Variants in GRHPR observed in about 807,000 individuals in gnomAD.
GRHPR encodes glyoxylate and hydroxypyruvate reductase.
Under a neutral mutation model 36.8 loss-of-function variants are expected in GRHPR, and 35 were observed. That is an observed-to-expected ratio of 0.95 (90% CI 0.73 to 1.26). GRHPR has a LOEUF of 1.26. Ranked by LOEUF, GRHPR falls within the 50% of genes most tolerant of loss-of-function variation. The pLI is 0.00. For missense variants in GRHPR, 380 were observed against 435.0 expected (o/e 0.87, Z 1.12); for synonymous variants, 179 against 181.0 (o/e 0.99, Z 0.09).
chr9:37,422,694 C>CT, upstream of GRHPR: 1 of 1,360,500 alleles, frequency 7.4e-7, no homozygotes, highest in Non-Finnish European at 1.0e-6. Flanking sequence ...CCCGGCCCAG[C>CT]TACATTCCCG....
chr9:37,425,959 C>T lies in GRHPR; in HGVS notation c.252C>T (p.Gly84=), dbSNP rs139595138. 1.9e-6 allele frequency: 3 copies of T among 1,613,556 alleles called. No individual in the cohort carries two copies. The highest frequency in any genetic ancestry group is 2.5e-6 in the Non-Finnish European group (3 of 1,179,550). The change falls in exon 3 of 9, where the codon GGC becomes GGT. Residue 84 remains glycine, a synonymous_variant. Transcript: ENST00000318158. ...AAGTCATCAGCACCATGTCTGTGGG[C>T]ATCGACCACTTGGCTTTGGATGAAA... ...NLKVISTMSV[G]IDHLALDEIK...
chr9:37,429,384 C>T (rs1156874831), intron 5 of GRHPR: 4 of 377,330 alleles, frequency 1.1e-5, no homozygotes, highest in Non-Finnish European at 2.0e-5. Flanking sequence ...AAGGAGGGGA[C>T]TGCTTGACCA....
At chr9:37,428,233 A>G (rs964552698) in intron 4 of GRHPR, 1 of 578,884 alleles carries the variant, frequency 1.7e-6, no homozygotes, top group Admixed American at 3.0e-5. Context: ...TTGTTTTCCC[A>G]TCTGCAAAAC....
At chr9:37,430,793 C>T (rs868164928) in intron 7 of GRHPR, 147 bp downstream of exon 7, 5 of 770,262 alleles carry the variant, frequency 6.5e-6, no homozygotes, top group Middle Eastern at 2.2e-4. Context: ...CTCAGAAATT[C>T]GTGGGAATAC....
At chr9:37,432,686 CA>C (rs1286337721) in intron 8 of GRHPR, 1 of 184,538 alleles carries the variant, frequency 5.4e-6, no homozygotes, top group African/African-American at 2.4e-5. Context: ...TCCAAAACAA[CA>C]ACAACAACAA....
At chr9:37,433,160 G>C (rs1823451675) in intron 8 of GRHPR, among the ~76,000 whole-genome samples, 1 of 152,048 alleles carries the variant, frequency 6.6e-6, no homozygotes, top group South Asian at 2.1e-4. Flanking sequence ...ACCGAAGTCT[G>C]AGTTGCAGCA....
intron 8 of GRHPR, 137 bp downstream of exon 8, chr9:37,432,275 G>A: frequency 1.3e-6 from 1 of 772,008 alleles, no homozygotes; most frequent in Non-Finnish European, 2.3e-6. Context: ...GATCGTAAAT[G>A]TTTATGTTGT....
downstream of GRHPR, among the ~76,000 whole-genome samples, chr9:37,437,241 T>C (rs1010791530): frequency 6.6e-6 from 1 of 152,142 alleles, no homozygotes; most frequent in African/African-American, 2.4e-5. Context: ...ACCTGGGCAA[T>C]GTAGCAAGAC....
At chr9:37,430,898 G>C (rs1050842691) in intron 7 of GRHPR, 1 of 606,738 alleles carries the variant, frequency 1.6e-6, no homozygotes, top group African/African-American at 1.8e-5. Context: ...CTGGCACACA[G>C]CAGCGTGGCT....
In GRHPR at chr9:37,425,974, T is replaced by C; in HGVS notation, c.267T>C (p.Ala89=). 5.0e-6 allele frequency: 8 copies of C among 1,613,208 alleles called. No homozygotes were observed. The highest frequency in any genetic ancestry group is 6.8e-6 in the Non-Finnish European group (8 of 1,179,136). The part of the protein sequence containing the change: ...STMSVGIDHL[A]LDEIKKRGIR... Reference sequence around the variant, plus strand: ...TGTCTGTGGGCATCGACCACTTGGCTTTGGATGAAATCAAGAAGCGGTAAC... The same window carrying C: ...TGTCTGTGGGCATCGACCACTTGGCCTTGGATGAAATCAAGAAGCGGTAAC... Residue 89 remains alanine (A), a synonymous_variant, in exon 3 of 9, where the codon GCT becomes GCC. Transcript: ENST00000318158.
In GRHPR at chr9:37,426,652, GAAGT is replaced by G. The variant is rs180177309; in HGVS notation, c.404+3_404+6del. On this transcript the variant is annotated splice_donor_variant and coding_sequence_variant, in exon 4 of 9. Transcript: ENST00000318158. LOFTEE classifies it high-confidence loss of function. ...TGCCGGAGGCCATCGAGGAAGTGAA[GAAGT>G]AAGTGAACGCAGACCAGGTGCGGTG... 19 of 1,582,228 alleles carry G rather than the reference GAAGT, an allele frequency of 1.2e-5. No individual in the cohort carries two copies. Among genetic ancestry groups the G allele is most frequent in the South Asian group, 8.8e-5 (8 of 90,438 alleles).
chr9:37,422,569 C>T (rs1286601243), upstream of GRHPR: 5 of 649,916 alleles, frequency 7.7e-6, no homozygotes, highest in East Asian at 2.8e-5. Flanking sequence ...TACTGTCACT[C>T]CCCGAGCACG....
chr9:37,431,016 G>A (rs1232162794), intron 7 of GRHPR: 13 of 480,876 alleles, frequency 2.7e-5, no homozygotes, highest in Non-Finnish European at 4.3e-5. Flanking sequence ...ACACTGCTGA[G>A]CCTGGCTTTG....
At position 37,422,721 on chromosome 9, in the gene GRHPR, G is replaced by T; in HGVS notation, c.-30G>T. 6.5e-7 allele frequency: 1 copy of T among 1,528,694 alleles called. No individual in the cohort carries two copies. Among genetic ancestry groups the T allele is most frequent in the South Asian group, 1.2e-5 (1 of 84,130 alleles). The allele number at this position is 1,528,694 out of a possible 1,614,324, so 94.7% of individuals were successfully genotyped here. A position where few individuals can be genotyped will look rare whatever the true frequency, so the allele number is the denominator to read the frequency against. On this transcript the variant is annotated 5_prime_UTR_variant, in exon 1 of 9. Coordinates refer to ENST00000318158, the MANE Select transcript of GRHPR (RefSeq NM_012203.2). ...ACATTCCCGGGCCAGCTTCTGTACTGCCAGGTCCGGGTCGGCGGCTGCACT... is the reference window on the plus strand; with the variant it reads ...ACATTCCCGGGCCAGCTTCTGTACTTCCAGGTCCGGGTCGGCGGCTGCACT...
At chr9:37,423,867 A>G (rs1822955409) in intron 1 of GRHPR, among the ~76,000 whole-genome samples, 1 of 152,230 alleles carries the variant, frequency 6.6e-6, no homozygotes, top group East Asian at 1.9e-4. Context: ...TGAAGTCAGT[A>G]TTATAATTCC....
At chr9:37,426,977 G>T (rs557603269) in intron 4 of GRHPR, among the ~76,000 whole-genome samples, 1 of 151,718 alleles carries the variant, frequency 6.6e-6, no homozygotes, top group Non-Finnish European at 1.5e-5. Context: ...ATAAGTGAAC[G>T]CCTGGCAGGA....
rs530782762 is a variant in GRHPR, at chr9:37,427,219, C to G, written c.404+565C>G. On this transcript the variant is annotated intron_variant, in intron 4 of 8. Transcript: ENST00000318158. ...AGAGTGTGGATCAGGGAGGGCTTCA[C>G]AGAATAAGTAGCAGGTGGGCGTCCG... Among the ~76,000 whole-genome samples, 14 of 152,226 alleles carry G rather than the reference C, an allele frequency of 9.2e-5. No homozygotes were observed. In the East Asian group the frequency reaches 2.5e-3, roughly 27 times the overall value.
intron 5 of GRHPR, chr9:37,428,810 G>A (rs912782306): frequency 2.3e-5 from 15 of 656,600 alleles, no homozygotes; most frequent in Non-Finnish European, 4.2e-5. Flanking sequence ...AAGGGTCAGG[G>A]GGCTTCATGA....
intron 8 of GRHPR, 116 bp from the exon 9 acceptor site, chr9:37,436,545 A>G: frequency 1.8e-6 from 2 of 1,106,910 alleles, no homozygotes; most frequent in Non-Finnish European, 2.7e-6. Context: ...GCATGGAACC[A>G]TGAGGTAGTC....
Sources: gnomAD v4.1 joint callset for allele counts (sites outside exome capture counted in the v4.1 genomes callset) on GRCh38, gnomAD v4.1.1 for gene constraint, MANE v1.5 for transcripts, NCBI Gene and HGNC (gene_info 2026-07-23, HGNC 2026-07-21) for gene names.